ARAF: variants seen among roughly 807,000 people sequenced by gnomAD.
The protein encoded by ARAF is serine/threonine-protein kinase A-Raf.
A neutral mutation model predicts 48.0 loss-of-function variants in ARAF; 18 were observed. That is an observed-to-expected ratio of 0.37 (90% CI 0.26 to 0.56). ARAF has a LOEUF of 0.56. Ranked by LOEUF, ARAF falls within the 20% of genes least tolerant of loss-of-function variation. ARAF has a pLI of 0.77. For missense variants in ARAF, 389 were observed against 543.1 expected, an observed-to-expected ratio of 0.72 and a Z score of 2.82; for synonymous variants, 207 against 220.1, an observed-to-expected ratio of 0.94 and a Z score of 0.53.
intron 1 of ARAF, among the ~76,000 whole-genome samples, chrX:47,562,061 A>G (rs2854419): frequency 9.8e-6 from 1 of 102,279 alleles, no homozygotes; most frequent in Non-Finnish European, 2.0e-5. Flanking sequence ...TCAACATTAC[A>G]CCCCAGGGCT....
intron 6 of ARAF, 72 bp from the exon 7 acceptor site, chrX:47,566,567 C>G (rs1025307146): frequency 8.6e-6 from 9 of 1,045,440 alleles, no homozygotes; most frequent in Non-Finnish European, 1.1e-5. Context: ...ATGTTTATGG[C>G]TGGGGGTGGG....
chrX:47,567,100 G>A lies in ARAF; in HGVS notation c.842G>A (p.Arg281Gln), dbSNP rs754549302. 19 of 1,210,114 alleles carry A rather than the reference G, an allele frequency of 1.6e-5. No individual in the cohort carries two copies. The highest frequency in any genetic ancestry group is 8.7e-5 in the Admixed American group (4 of 45,826). ...HSKSPAEQRE[R>Q]KSLADDKKKV... ...AAGTCACCAGCAGAGCAGCGCGAGCGGAAGTCCTTGGCCGATGACAAGAAG... is the reference window on the plus strand; with the variant it reads ...AAGTCACCAGCAGAGCAGCGCGAGCAGAAGTCCTTGGCCGATGACAAGAAG... Residue 281 changes from arginine to glutamine, a missense_variant, in exon 9 of 16, where the codon CGG (arginine) becomes CAG (glutamine). By Grantham distance (43) the Arg-to-Gln change is conservative. Around this residue, in one of 4 missense-constraint regions of ARAF, gnomAD observed 154 missense variants for 133.6 expected, o/e 1.15. Coordinates refer to ENST00000377045, the MANE Select transcript of ARAF (RefSeq NM_001654.5).
chrX:47,563,383 C>A, intron 3 of ARAF, 54 bp downstream of exon 3: 1 of 943,476 alleles, frequency 1.1e-6, no homozygotes, highest in Non-Finnish European at 1.5e-6. Context: ...CCCATCCCCT[C>A]CTCAGTCATT....
At chrX:47,565,214 C>T (rs2057727324) in intron 5 of ARAF, 38 bp from the exon 6 acceptor site, 1 of 1,207,095 alleles carries the variant, frequency 8.3e-7, no homozygotes, top group African/African-American at 1.8e-5. Context: ...AGACAGCTGA[C>T]CCGTGTCCCC....
At chrX:47,566,805 G>T (rs183656189) in intron 7 of ARAF, 25 bp downstream of exon 7, 2 of 1,209,235 alleles carry the variant, frequency 1.7e-6, no homozygotes, top group African/African-American at 3.5e-5. Flanking sequence ...GGACAATGCC[G>T]GGGACCACAG....
In ARAF at chrX:47,571,463, G is replaced by A. The variant is rs2147910500; in HGVS notation, c.*6G>A. 8.3e-7 allele frequency: 1 copy of A among 1,198,010 alleles called. No homozygotes were observed. The highest frequency in any genetic ancestry group is 1.1e-6 in the Non-Finnish European group (1 of 889,354). On this transcript the variant is annotated 3_prime_UTR_variant, in exon 16 of 16. Transcript: ENST00000377045. The stretch of plus-strand genomic sequence containing the variant: ...CAGCCCGCCTTGTGCCTTAGGCCCC[G>A]CCCAAGCCACCAGGGAGCCAATCTC...
Position 47,571,420 on chromosome X carries a change from C to G in ARAF, c.1784C>G (p.Pro595Arg). 5.0e-6 allele frequency: 6 copies of G among 1,208,372 alleles called. No homozygotes were observed. Among genetic ancestry groups the G allele is most frequent in the Non-Finnish European group, 5.6e-6 (5 of 893,906 alleles). Reference protein sequence around the residue: ...SLHRTQADELPACLLSAARLV... With the variant: ...SLHRTQADELRACLLSAARLV... ...CACCGCACCCAGGCCGATGAGTTGC[C>G]TGCCTGCCTACTCAGCGCAGCCCGC... Residue 595 changes from proline to arginine, a missense_variant, in exon 16 of 16, where the codon CCT becomes CGT. Transcript: ENST00000377045.
intron 3 of ARAF, 122 bp downstream of exon 3, chrX:47,563,451 C>A (rs895559681): frequency 1.3e-5 from 7 of 550,881 alleles, no homozygotes; most frequent in African/African-American, 2.3e-5. Flanking sequence ...AGTCTTTAGT[C>A]CCCCCTTATC....
Position 47,571,503 on chromosome X carries a change from AG to A in ARAF, c.*48del. The A allele has an allele frequency of 8.5e-7, 1 of 1,172,144 alleles. No homozygotes were observed. The highest frequency in any genetic ancestry group is 2.4e-5 in the Admixed American group (1 of 41,793). On this transcript the variant is annotated 3_prime_UTR_variant, in exon 16 of 16. Coordinates refer to ENST00000377045, the MANE Select transcript of ARAF (RefSeq NM_001654.5). ...GAGCCAATCTCAGCCCTCCACGCCA[AG>A]GAGCCTTGCCCACCAGCCAATCAAT...
intron 10 of ARAF, among the ~76,000 whole-genome samples, chrX:47,568,425 A>G (rs1485220408): frequency 9.0e-6 from 1 of 110,560 alleles, no homozygotes; most frequent in Non-Finnish European, 1.9e-5. Context: ...GTTAATGATT[A>G]GAAATGCTGC....
intron 14 of ARAF, among the ~76,000 whole-genome samples, chrX:47,570,447 T>G (rs1325825381): frequency 9.0e-6 from 1 of 110,553 alleles, no homozygotes; most frequent in East Asian, 2.8e-4. Flanking sequence ...AACCCCTTTG[T>G]GCTTCTGGAA....
rs1326821979 is a variant in ARAF at position 47,563,082 on chromosome X, A to G, written c.96+19A>G. 8.5e-7 allele frequency: 1 copy of G among 1,181,240 alleles called. No homozygotes were observed. Among genetic ancestry groups the G allele is most frequent in the African/African-American group, 1.8e-5 (1 of 56,560 alleles). ...CACGGTGGTGAGTCATGGAAGCGAA[A>G]TGGCAGGGGCTGTGGATGGACCCAG... On this transcript the variant is annotated intron_variant, in intron 2 of 15. Coordinates refer to ENST00000377045, the MANE Select transcript of ARAF (RefSeq NM_001654.5).
At position 47,564,652 on chromosome X, in the gene ARAF, C is replaced by T. The variant is rs756236802; in HGVS notation, c.201-145C>T. 7.7e-4 allele frequency: 374 copies of T among 486,211 alleles called. 1 individual carries two copies. Among genetic ancestry groups the T allele is most frequent in the Non-Finnish European group, 1.2e-3 (331 of 283,242 alleles). 40.1% of individuals were successfully genotyped at this position (486,211 alleles called of 1,213,427 possible). A position where few individuals can be genotyped will look rare whatever the true frequency, so the allele number is the denominator to read the frequency against. ...TGTAAAGTTGGGGCAAGGATAGTGA[C>T]TAATTTCTAGAGTTGCTGTGATGAG... On this transcript the variant is annotated intron_variant, in intron 3 of 15. Transcript: ENST00000377045.
rs143620653 is a variant in ARAF at position 47,563,054 on chromosome X, A to G, written c.87A>G (p.Gln29=). 139 of 1,195,247 alleles carry G rather than the reference A, an allele frequency of 1.2e-4. No individual in the cohort carries two copies. In the African/African-American group the frequency reaches 1.7e-3, roughly 14 times the overall value. ...GTVKVYLPNK[Q]RTVVTVRDGM... The stretch of plus-strand genomic sequence containing the variant: ...TCAAAGTATACCTGCCCAACAAGCA[A>G]CGCACGGTGGTGAGTCATGGAAGCG... Residue 29 remains glutamine, a synonymous_variant, in exon 2 of 16, where the codon CAA becomes CAG. Transcript: ENST00000377045.
chrX:47,570,887 A>C lies in ARAF; in HGVS notation c.1561A>C (p.Met521Leu). ...CCCCGTCTGCCCCCAGATTATCTTTATGGTGGGCCGTGGCTATCTGTCCCC... is the reference window on the plus strand; with the variant it reads ...CCCCGTCTGCCCCCAGATTATCTTTCTGGTGGGCCGTGGCTATCTGTCCCC... ...HIGCRDQIIF[M>L]VGRGYLSPDL... Residue 521 changes from methionine to leucine, a missense_variant, in exon 15 of 16, where the codon ATG (methionine) becomes CTG (leucine). Physicochemically the swap from Met to Leu is conservative, Grantham distance 15. Transcript: ENST00000377045. 8.3e-7 allele frequency: 1 copy of C among 1,209,063 alleles called. No individual in the cohort carries two copies. Among genetic ancestry groups the C allele is most frequent in the Non-Finnish European group, 1.1e-6 (1 of 894,059 alleles).
intron 13 of ARAF, 78 bp downstream of exon 13, chrX:47,569,735 C>G: frequency 9.1e-7 from 1 of 1,103,843 alleles, no homozygotes; most frequent in Admixed American, 2.3e-5. Flanking sequence ...CAAGTGGGGA[C>G]GGGGATGCCT....
rs2057716359 is a variant in ARAF, at chrX:47,562,896, T to A, written c.-59-13T>A. 3 of 825,862 alleles carry A rather than the reference T, an allele frequency of 3.6e-6. No individual in the cohort carries two copies. Among genetic ancestry groups the A allele is most frequent in the Non-Finnish European group, 3.4e-6 (2 of 589,126 alleles). 68.1% of individuals were successfully genotyped at this position (825,862 alleles called of 1,213,427 possible). On this transcript the variant is annotated splice_polypyrimidine_tract_variant and intron_variant, in intron 1 of 15. Transcript: ENST00000377045. The stretch of plus-strand genomic sequence containing the variant: ...ATTATTGGACCTCTGAATTCTTGTC[T>A]GCCTTCTTGTAGGAGCCCCATGGCA...
rs201857678 is a variant in ARAF at position 47,566,601 on chromosome X, G to A, written c.558-38G>A. On this transcript the variant is annotated intron_variant, in intron 6 of 15. Coordinates refer to ENST00000377045, the MANE Select transcript of ARAF (RefSeq NM_001654.5). Reference sequence around the variant, plus strand: ...GGGTGGGGGGCTTTCTCGGTTCTCTGATTCCTGGCAGTGATTTCACAGCCT... The same window carrying A: ...GGGTGGGGGGCTTTCTCGGTTCTCTAATTCCTGGCAGTGATTTCACAGCCT... 8.8e-6 allele frequency: 10 copies of A among 1,134,381 alleles called. No homozygotes were observed. The East Asian group carries it at 3.1e-4, about 35-fold the overall frequency. 93.5% of individuals were successfully genotyped at this position (1,134,381 alleles called of 1,213,427 possible).
At position 47,567,531 on chromosome X, in the gene ARAF, G is replaced by A. The variant is rs761271837; in HGVS notation, c.1076+99G>A. 62 of 923,648 alleles carry A rather than the reference G, an allele frequency of 6.7e-5. No homozygotes were observed. In the South Asian group the frequency reaches 1.3e-3, roughly 20 times the overall value. The allele number at this position is 923,648 out of a possible 1,213,427, so 76.1% of individuals were successfully genotyped here. The stretch of plus-strand genomic sequence containing the variant: ...GGAGTGCTTCCTGGACATCACCTGT[G>A]TTTGTGTTGTTAAACCATCATCAGA... On this transcript the variant is annotated intron_variant, in intron 10 of 15. Coordinates refer to ENST00000377045, the MANE Select transcript of ARAF (RefSeq NM_001654.5).
Sources: allele counts gnomAD v4.1 joint callset (sites outside exome capture counted in the v4.1 genomes callset), GRCh38; gene constraint gnomAD v4.1.1; regional missense constraint gnomAD v4.1.1; transcripts MANE v1.5; gene names NCBI Gene and HGNC (gene_info 2026-07-23, HGNC 2026-07-21).